UGGT2: variants seen among roughly 807,000 people sequenced by gnomAD.
The protein encoded by UGGT2 is UDP-glucose:glycoprotein glucosyltransferase 2.
UGGT2 carries 180 observed loss-of-function variants against 192.1 expected under a neutral mutation model. That is an observed-to-expected ratio of 0.94 (90% CI 0.83 to 1.06). The LOEUF is 1.06. UGGT2 is among the 50% of genes least tolerant of loss of function. The pLI is 0.00. For missense variants in UGGT2, 1,849 were observed against 1,795.7 expected (o/e 1.03, Z -0.54); for synonymous variants, 580 against 591.0 (o/e 0.98, Z 0.27).
chr13:95,865,497 T>C lies in UGGT2; in HGVS notation c.3559-1783A>G, dbSNP rs375757798. On this transcript the variant is annotated intron_variant, in intron 30 of 38. Coordinates refer to ENST00000376747, the MANE Select transcript of UGGT2 (RefSeq NM_020121.4). ...CCACCTCTACTAAAAATACAAAAAA[T>C]ACACACAAACATAAAAATTAGCCAG... 6.6e-5 allele frequency among the ~76,000 whole-genome samples: 10 copies of C among 152,086 alleles called. No individual in the cohort carries two copies. The East Asian group carries it at 1.9e-3, about 29-fold the overall frequency.
chr13:96,026,741 G>A (rs1023680612), intron 2 of UGGT2, among the ~76,000 whole-genome samples: 2 of 146,616 alleles, frequency 1.4e-5, no homozygotes, highest in Non-Finnish European at 3.0e-5. Context: ...GCGCAATCTC[G>A]GCTCACTGCA....
intron 5 of UGGT2, among the ~76,000 whole-genome samples, chr13:96,012,687 A>T (rs1165070043): frequency 6.6e-6 from 1 of 151,956 alleles, no homozygotes; most frequent in Non-Finnish European, 1.5e-5. Flanking sequence ...CCATGTTGGG[A>T]AGACAGTAGT....
chr13:95,934,957 A>G (rs1165248395), intron 17 of UGGT2, among the ~76,000 whole-genome samples: 1 of 152,200 alleles, frequency 6.6e-6, no homozygotes, highest in Non-Finnish European at 1.5e-5. Flanking sequence ...GTGTTGGTGC[A>G]TATATATTTG....
chr13:96,027,940 C>G (rs1376725601), intron 2 of UGGT2, among the ~76,000 whole-genome samples: 1 of 152,180 alleles, frequency 6.6e-6, no homozygotes. Context: ...ATTCTCCTGG[C>G]TTTCATGATC....
chr13:95,898,876 T>C (rs1197940725), intron 22 of UGGT2, among the ~76,000 whole-genome samples: 1 of 152,194 alleles, frequency 6.6e-6, no homozygotes, highest in Non-Finnish European at 1.5e-5. Flanking sequence ...ATTTCTGTTC[T>C]TTAATAGATT....
At chr13:96,048,969 C>G (rs543400176) in intron 1 of UGGT2, among the ~76,000 whole-genome samples, 17 of 135,956 alleles carry the variant, frequency 1.3e-4, no homozygotes, top group African/African-American at 4.2e-4. Flanking sequence ...GGAATCCTCC[C>G]TAACTCATTT....
At chr13:95,964,529 G>C (rs767727201) in intron 12 of UGGT2, among the ~76,000 whole-genome samples, 15 of 152,108 alleles carry the variant, frequency 9.9e-5, no homozygotes, top group Non-Finnish European at 1.5e-4. Flanking sequence ...AAGCCTGTTC[G>C]ATGGGAGAAA....
At chr13:96,045,842 CA>C (rs1444971916) in intron 1 of UGGT2, among the ~76,000 whole-genome samples, 4 of 152,252 alleles carry the variant, frequency 2.6e-5, no homozygotes, top group African/African-American at 7.2e-5. Flanking sequence ...ATAGACGACA[CA>C]AACAAATGGA....
In UGGT2 at chr13:95,825,827, C is replaced by T. The variant is rs560727070; in HGVS notation, c.4528+7100G>A. Among the ~76,000 whole-genome samples, 6 of 152,244 alleles carry T rather than the reference C, an allele frequency of 3.9e-5. No homozygotes were observed. In the South Asian group the frequency reaches 8.3e-4, roughly 21 times the overall value. On this transcript the variant is annotated intron_variant, in intron 38 of 38. Transcript: ENST00000376747. ...CCCACCAGCAGAAAGATCTGGGACT[C>T]AAGGCCTGTTGTCTGAATTCTTTTG...
chr13:96,034,847 C>T (rs569670396), intron 1 of UGGT2, among the ~76,000 whole-genome samples: 77 of 152,368 alleles, frequency 5.1e-4, no homozygotes, highest in African/African-American at 1.8e-3. Flanking sequence ...CTCACACACT[C>T]ACCGCCGCCC....
intron 27 of UGGT2, among the ~76,000 whole-genome samples, chr13:95,880,998 C>T (rs1336745710): frequency 6.6e-6 from 1 of 152,124 alleles, no homozygotes; most frequent in East Asian, 1.9e-4. Flanking sequence ...GACGGTGAAA[C>T]CCCGTCTCTA....
chr13:95,972,438 G>T, intron 11 of UGGT2, 142 bp downstream of exon 11: 2 of 736,934 alleles, frequency 2.7e-6, no homozygotes, highest in Middle Eastern at 4.1e-4. Context: ...TGCCCATTTT[G>T]GTAGAAGAAA....
intron 17 of UGGT2, among the ~76,000 whole-genome samples, chr13:95,928,026 T>C (rs1001028692): frequency 2.6e-5 from 4 of 152,220 alleles, no homozygotes; most frequent in Non-Finnish European, 4.4e-5. Flanking sequence ...AGAATTTTTC[T>C]TAGTACAGAA....
intron 5 of UGGT2, among the ~76,000 whole-genome samples, chr13:96,000,063 A>C (rs1699229543): frequency 6.6e-6 from 1 of 152,186 alleles, no homozygotes; most frequent in South Asian, 2.1e-4. Flanking sequence ...AATAGTTTTA[A>C]AGTTGTTCCA....
At chr13:95,818,450 A>G (rs1333475917) in intron 38 of UGGT2, among the ~76,000 whole-genome samples, 1 of 152,232 alleles carries the variant, frequency 6.6e-6, no homozygotes, top group African/African-American at 2.4e-5. Context: ...CACAAACAAC[A>G]TTTCAGCAAA....
intron 2 of UGGT2, among the ~76,000 whole-genome samples, chr13:96,031,560 A>G (rs1407742994): frequency 6.6e-6 from 1 of 152,224 alleles, no homozygotes; most frequent in Non-Finnish European, 1.5e-5. Context: ...CAAGCAGTCA[A>G]TCCTCTGGCC....
At chr13:95,942,221 G>GGGGTGTGTGTGTGT (rs1285651365) in intron 15 of UGGT2, among the ~76,000 whole-genome samples, 2 of 118,084 alleles carry the variant, frequency 1.7e-5, no homozygotes, top group South Asian at 2.6e-4. Flanking sequence ...TTAGGGTGAG[G>GGGGTGTGTGTGTGT]GTGTGTGTGT....
intron 10 of UGGT2, among the ~76,000 whole-genome samples, chr13:95,983,007 G>T (rs2051175655): frequency 1.3e-5 from 2 of 152,110 alleles, no homozygotes; most frequent in Non-Finnish European, 2.9e-5. Context: ...ACTGCTGGCT[G>T]GCTAAGTTAG....
intron 14 of UGGT2, among the ~76,000 whole-genome samples, chr13:95,947,701 G>A (rs536805715): frequency 1.4e-3 from 57 of 42,006 alleles, no homozygotes; most frequent in Admixed American, 5.8e-3. Flanking sequence ...TGCCTGATTC[G>A]GCCTCCCAAA....
Sources: allele counts gnomAD v4.1 joint callset (sites outside exome capture counted in the v4.1 genomes callset), GRCh38; gene constraint gnomAD v4.1.1; transcripts MANE v1.5; gene names NCBI Gene and HGNC (gene_info 2026-07-23, HGNC 2026-07-21).